PAFAH1B1: variants seen among roughly 807,000 people sequenced by gnomAD.
The protein encoded by PAFAH1B1 is platelet activating factor acetylhydrolase 1b regulatory subunit 1, also known as platelet-activating factor acetylhydrolase IB subunit beta.
Under a neutral mutation model 57.5 loss-of-function variants are expected in PAFAH1B1, and 2 were observed. The observed-to-expected ratio is 0.03, with a 90% confidence interval of 0.01 to 0.11. PAFAH1B1 has a LOEUF of 0.11. Among genes scored for constraint, PAFAH1B1 ranks in the 10% least tolerant of loss-of-function variants. The pLI is 1.00. For synonymous variants in PAFAH1B1, 152 were observed against 169.6 expected, an observed-to-expected ratio of 0.90 and a Z score of 0.81; for missense variants, 257 against 512.0, an observed-to-expected ratio of 0.50 and a Z score of 4.81.
At chr17:2,596,635 CTT>C (rs2068086661) in intron 1 of PAFAH1B1, among the ~76,000 whole-genome samples, 1 of 152,072 alleles carries the variant, frequency 6.6e-6, no homozygotes, top group Admixed American at 6.6e-5. Context: ...TATTTTTACA[CTT>C]TTGTTCTTTT....
chr17:2,669,846 A>G (rs1354997521), intron 5 of PAFAH1B1, among the ~76,000 whole-genome samples: 2 of 149,912 alleles, frequency 1.3e-5, no homozygotes. Flanking sequence ...CCTTATTTAC[A>G]TGTCATTCCT....
At chr17:2,677,161 T>A (rs958498797) in intron 9 of PAFAH1B1, among the ~76,000 whole-genome samples, 8 of 151,984 alleles carry the variant, frequency 5.3e-5, no homozygotes, top group Non-Finnish European at 1.0e-4. Flanking sequence ...TCAAAAAAAA[T>A]AAAATAAAAC....
At chr17:2,681,551 G>A in intron 10 of PAFAH1B1, 178 bp from the exon 11 acceptor site, 5 of 585,866 alleles carry the variant, frequency 8.5e-6, no homozygotes, top group South Asian at 6.1e-5. Context: ...CTGCAGCCTC[G>A]ACTTCCCAGC....
chr17:2,629,048 C>A (rs1011508311), intron 1 of PAFAH1B1, among the ~76,000 whole-genome samples: 2 of 152,008 alleles, frequency 1.3e-5, no homozygotes, highest in African/African-American at 4.8e-5. Flanking sequence ...CAGCTTGTTT[C>A]ATTTATCTTT....
chr17:2,646,641 G>A (rs1453462989), intron 2 of PAFAH1B1, among the ~76,000 whole-genome samples: 1 of 152,070 alleles, frequency 6.6e-6, no homozygotes, highest in Non-Finnish European at 1.5e-5. Context: ...GTGAGACTCT[G>A]TCTCAAAAAA....
intron 2 of PAFAH1B1, among the ~76,000 whole-genome samples, chr17:2,649,955 A>G (rs1739488942): frequency 6.6e-6 from 1 of 152,226 alleles, no homozygotes; most frequent in Admixed American, 6.5e-5. Context: ...GAACACATAC[A>G]GAATAACAGT....
At position 2,600,449 on chromosome 17, in the gene PAFAH1B1, A is replaced by G. The variant is rs947730386; in HGVS notation, c.-191+6443A>G. Among the ~76,000 whole-genome samples the G allele has an allele frequency of 3.3e-5, 5 of 151,478 alleles. No homozygotes were observed. In the East Asian group the frequency reaches 8.1e-4, roughly 25 times the overall value. ...GCCAGGTGTGGTGGTGGGTGCCTGT[A>G]ATCCCAGCTACTTGGGAGGCTGAGA... On this transcript the variant is annotated intron_variant, in intron 1 of 10. Transcript: ENST00000397195.
intron 1 of PAFAH1B1, among the ~76,000 whole-genome samples, chr17:2,603,696 GA>G (rs1001950109): frequency 2.7e-5 from 4 of 150,842 alleles, no homozygotes; most frequent in African/African-American, 7.3e-5. Context: ...TAAGAAGGGG[GA>G]AAATCTTGAT....
At chr17:2,664,858 A>G (rs1290395250) in intron 2 of PAFAH1B1, among the ~76,000 whole-genome samples, 4 of 152,158 alleles carry the variant, frequency 2.6e-5, no homozygotes, top group Non-Finnish European at 4.4e-5. Context: ...CACTAAGTTT[A>G]TACTGTATGA....
intron 1 of PAFAH1B1, among the ~76,000 whole-genome samples, chr17:2,597,746 C>T (rs1597505398): frequency 1.3e-5 from 1 of 78,042 alleles, no homozygotes; most frequent in African/African-American, 4.6e-5. Context: ...AAATGTTTCT[C>T]TCTCAGTTGT....
At chr17:2,622,198 C>T (rs1353336966) in intron 1 of PAFAH1B1, among the ~76,000 whole-genome samples, 1 of 152,134 alleles carries the variant, frequency 6.6e-6, no homozygotes, top group Non-Finnish European at 1.5e-5. Flanking sequence ...CTCCATATCT[C>T]ATGTCCTCCC....
chr17:2,638,476 G>A (rs763450303), intron 2 of PAFAH1B1, 156 bp downstream of exon 2: 199 of 655,810 alleles, frequency 3.0e-4, no homozygotes, highest in Admixed American at 5.0e-4. Flanking sequence ...TTTTAAAACA[G>A]TCTTATTATG....
chr17:2,594,820 C>T (rs943937669), intron 1 of PAFAH1B1, among the ~76,000 whole-genome samples: 2 of 152,236 alleles, frequency 1.3e-5, no homozygotes, highest in African/African-American at 4.8e-5. Context: ...CTTTGGGAAA[C>T]GCAGTGCCTC....
At chr17:2,652,380 A>C (rs907386518) in intron 2 of PAFAH1B1, among the ~76,000 whole-genome samples, 1 of 152,220 alleles carries the variant, frequency 6.6e-6, no homozygotes, top group Non-Finnish European at 1.5e-5. Context: ...GCGCCACTGC[A>C]CTCCAGCCTG....
At chr17:2,611,779 A>G (rs1253131977) in intron 1 of PAFAH1B1, among the ~76,000 whole-genome samples, 2 of 152,182 alleles carry the variant, frequency 1.3e-5, no homozygotes, top group Admixed American at 1.3e-4. Flanking sequence ...ACTAATTACC[A>G]TGAGTTTGGT....
At chr17:2,594,565 G>A (rs2068063594) in intron 1 of PAFAH1B1, among the ~76,000 whole-genome samples, 1 of 152,186 alleles carries the variant, frequency 6.6e-6, no homozygotes, top group Non-Finnish European at 1.5e-5. Context: ...TGGTCCTTAA[G>A]ATGGGGTTGA....
At chr17:2,652,905 A>G (rs779122802) in intron 2 of PAFAH1B1, among the ~76,000 whole-genome samples, 1 of 152,196 alleles carries the variant, frequency 6.6e-6, no homozygotes, top group Admixed American at 6.5e-5. Flanking sequence ...TGACCCAGCC[A>G]TCCCATTACT....
At chr17:2,664,665 G>GCGCGCTCTCT in intron 2 of PAFAH1B1, among the ~76,000 whole-genome samples, 153 of 86,072 alleles carry the variant, frequency 1.8e-3, no homozygotes, top group East Asian at 6.7e-3. Flanking sequence ...TCTATCTATC[G>GCGCGCTCTCT]CTCTCTCTCT....
intron 2 of PAFAH1B1, among the ~76,000 whole-genome samples, chr17:2,663,376 T>G (rs1361279181): frequency 2.0e-5 from 3 of 151,778 alleles, no homozygotes; most frequent in Non-Finnish European, 4.4e-5. Flanking sequence ...GTTTTGTGGG[T>G]TTTTGTTTTG....
Sources: allele counts gnomAD v4.1 joint callset (sites outside exome capture counted in the v4.1 genomes callset), GRCh38; gene constraint gnomAD v4.1.1; transcripts MANE v1.5; gene names NCBI Gene and HGNC (gene_info 2026-07-23, HGNC 2026-07-21).